The following MAGI2 variants were observed in gnomAD, a reference collection of about 807,000 sequenced individuals.
MAGI2 encodes membrane-associated guanylate kinase, WW and PDZ domain-containing protein 2.
MAGI2 carries 35 observed loss-of-function variants against 133.3 expected under a neutral mutation model. That is an observed-to-expected ratio of 0.26 (90% CI 0.20 to 0.35). The LOEUF is 0.35. Ranked by LOEUF, MAGI2 falls within the 10% of genes least tolerant of loss-of-function variation. The pLI is 1.00. For synonymous variants in MAGI2, 729 were observed against 710.6 expected (o/e 1.03, Z -0.41); for missense variants, 1,636 against 1,863.4 (o/e 0.88, Z 2.25).
chr7:78,416,579 ATAATTTTAAACTTG>A (rs1798323893), intron 6 of MAGI2, among the ~76,000 whole-genome samples: 1 of 152,104 alleles, frequency 6.6e-6, no homozygotes, highest in South Asian at 2.1e-4. Flanking sequence ...TGCCTCCTAA[ATAATTTTAAACTTG>A]TAAGAATCAA....
chr7:78,938,277 A>C (rs1220010289), intron 2 of MAGI2, among the ~76,000 whole-genome samples: 1 of 152,130 alleles, frequency 6.6e-6, no homozygotes, highest in Non-Finnish European at 1.5e-5. Flanking sequence ...GAAAGAGAAG[A>C]ATCAATGTTT....
At chr7:78,369,495 A>G (rs779807472) in intron 6 of MAGI2, among the ~76,000 whole-genome samples, 10 of 152,220 alleles carry the variant, frequency 6.6e-5, no homozygotes, top group Non-Finnish European at 1.3e-4. Context: ...CGTTATCACC[A>G]TTTAGTGCAA....
chr7:78,591,090 T>A (rs1451146958), intron 3 of MAGI2, among the ~76,000 whole-genome samples: 1 of 152,162 alleles, frequency 6.6e-6, no homozygotes, highest in Non-Finnish European at 1.5e-5. Context: ...CCAAAGAGAT[T>A]ATGGTCTAGA....
At chr7:78,905,243 TG>T (rs1323728800) in intron 2 of MAGI2, among the ~76,000 whole-genome samples, 6 of 152,196 alleles carry the variant, frequency 3.9e-5, no homozygotes, top group African/African-American at 1.4e-4. Context: ...TCCTACAATG[TG>T]TTGCAATTTT....
At chr7:78,245,528 A>G (rs776979179) in intron 10 of MAGI2, among the ~76,000 whole-genome samples, 1 of 152,214 alleles carries the variant, frequency 6.6e-6, no homozygotes, top group African/African-American at 2.4e-5. Flanking sequence ...AAAGGAGAGC[A>G]CTAGTGCACA....
At chr7:78,558,970 A>G (rs926244431) in intron 3 of MAGI2, among the ~76,000 whole-genome samples, 5 of 151,384 alleles carry the variant, frequency 3.3e-5, no homozygotes, top group Admixed American at 1.3e-4. Context: ...CATGAGACTA[A>G]TTTTAAATTT....
At chr7:78,914,081 C>T (rs1170938792) in intron 2 of MAGI2, among the ~76,000 whole-genome samples, 1 of 152,124 alleles carries the variant, frequency 6.6e-6, no homozygotes, top group Non-Finnish European at 1.5e-5. Flanking sequence ...TGAGCTAATG[C>T]TAATAAAAGT....
At chr7:78,048,561 A>AC (rs544855428) in intron 21 of MAGI2, among the ~76,000 whole-genome samples, 2 of 151,310 alleles carry the variant, frequency 1.3e-5, no homozygotes, top group Non-Finnish European at 2.9e-5. Flanking sequence ...ATTTCTCACT[A>AC]CCCCCCTAAA....
At chr7:78,411,087 T>G (rs1236898677) in intron 6 of MAGI2, among the ~76,000 whole-genome samples, 1 of 152,058 alleles carries the variant, frequency 6.6e-6, no homozygotes, top group East Asian at 1.9e-4. Flanking sequence ...CTTAAGCATT[T>G]CAGTAAAGAG....
intron 2 of MAGI2, among the ~76,000 whole-genome samples, chr7:78,775,794 A>G (rs555105921): frequency 1.3e-5 from 2 of 152,368 alleles, no homozygotes; most frequent in South Asian, 2.1e-4. Context: ...CAGAAAACTA[A>G]TAAGTGCAGT....
At position 79,184,013 on chromosome 7, in the gene MAGI2, T is replaced by C. The variant is rs115433371; in HGVS notation, c.302-176807A>G. 1.5e-3 allele frequency among the ~76,000 whole-genome samples: 222 copies of C among 151,698 alleles called. 3 individuals are homozygous for C. The highest frequency in any genetic ancestry group is 4.9e-3 in the African/African-American group (201 of 41,332). ...ATGAGAGTGGGGGAAAGCAGAGAAG[T>C]TGATCGAACAATACAGAGTTCCAGT... On this transcript the variant is annotated intron_variant, in intron 1 of 21. Transcript: ENST00000354212.
intron 1 of MAGI2, among the ~76,000 whole-genome samples, chr7:79,037,080 C>A (rs999376860): frequency 3.9e-5 from 6 of 152,138 alleles, no homozygotes; most frequent in African/African-American, 1.4e-4. Context: ...GAAAATCCAG[C>A]CAACCATGAT....
At chr7:79,331,136 T>C (rs1449127743) in intron 1 of MAGI2, among the ~76,000 whole-genome samples, 1 of 152,140 alleles carries the variant, frequency 6.6e-6, no homozygotes, top group Non-Finnish European at 1.5e-5. Flanking sequence ...AAAAGATAAT[T>C]CTATTTATTA....
At position 78,582,290 on chromosome 7, in the gene MAGI2, G is replaced by A. The variant is rs573593356; in HGVS notation, c.538+44830C>T. Among the ~76,000 whole-genome samples the A allele has an allele frequency of 2.0e-5, 3 of 152,312 alleles. No individual in the cohort carries two copies. The East Asian group carries it at 5.8e-4, about 29-fold the overall frequency. On this transcript the variant is annotated intron_variant, in intron 3 of 21. Coordinates refer to ENST00000354212, the MANE Select transcript of MAGI2 (RefSeq NM_012301.4). ...AAGGAGTCTAAGAGCAACCACGTGG[G>A]AAGTGAAGGAGAATGGGAAACATCT...
intron 1 of MAGI2, among the ~76,000 whole-genome samples, chr7:79,337,547 G>T (rs1052485993): frequency 6.6e-6 from 1 of 152,136 alleles, no homozygotes; most frequent in Non-Finnish European, 1.5e-5. Context: ...TGAGCAGTTG[G>T]TTCAAGTTTG....
At chr7:79,346,372 A>G (rs1841313162) in intron 1 of MAGI2, among the ~76,000 whole-genome samples, 1 of 152,038 alleles carries the variant, frequency 6.6e-6, no homozygotes, top group Non-Finnish European at 1.5e-5. Flanking sequence ...TATAAAATTT[A>G]CGATGAAAGT....
At chr7:78,269,285 C>T (rs1424780317) in intron 9 of MAGI2, among the ~76,000 whole-genome samples, 1 of 152,102 alleles carries the variant, frequency 6.6e-6, no homozygotes, top group Non-Finnish European at 1.5e-5. Context: ...ATATATGATC[C>T]TTTGGATATA....
chr7:78,845,510 T>C (rs983349823), intron 2 of MAGI2, among the ~76,000 whole-genome samples: 6 of 151,934 alleles, frequency 3.9e-5, no homozygotes, highest in Non-Finnish European at 7.4e-5. Flanking sequence ...CATTGTAATG[T>C]ATTGTTGAAA....
At chr7:79,096,497 A>G (rs1817532640) in intron 1 of MAGI2, among the ~76,000 whole-genome samples, 1 of 152,166 alleles carries the variant, frequency 6.6e-6, no homozygotes, top group Non-Finnish European at 1.5e-5. Flanking sequence ...CTTTACAAAG[A>G]GCATTTCCTT....
Sources: allele counts gnomAD v4.1 joint callset (sites outside exome capture counted in the v4.1 genomes callset), GRCh38; gene constraint gnomAD v4.1.1; transcripts MANE v1.5; gene names NCBI Gene and HGNC (gene_info 2026-07-23, HGNC 2026-07-21).